DRICH1: variants seen among roughly 807,000 people sequenced by gnomAD.
DRICH1 encodes aspartate-rich protein 1.
In DRICH1, 38 loss-of-function variants were observed where a neutral mutation model predicts 39.5. The ratio of observed to expected loss-of-function variants is 0.96; its 90% CI spans 0.74 to 1.26. The LOEUF (loss-of-function observed/expected upper bound fraction) is 1.26, where lower values mean the gene tolerates loss of function less well. Ranked by LOEUF, DRICH1 falls within the 50% of genes most tolerant of loss-of-function variation. The pLI is 0.00. For synonymous variants in DRICH1, 84 were observed against 99.5 expected (o/e 0.84, Z 0.93); for missense variants, 279 against 270.4 (o/e 1.03, Z -0.22).
intron 1 of DRICH1, among the ~76,000 whole-genome samples, chr22:23,627,132 G>A (rs1262198961): frequency 6.7e-6 from 1 of 150,228 alleles, no homozygotes; most frequent in Non-Finnish European, 1.5e-5. Flanking sequence ...GAGTACAATG[G>A]CATGATCTCG....
At chr22:23,592,396 G>A in the DRICH1 span, among the ~76,000 whole-genome samples, 5 of 152,290 alleles carry the variant, frequency 3.3e-5, no homozygotes, top group South Asian at 2.1e-4. Flanking sequence ...CAAGACTGGG[G>A]GGGGGCGGTC....
At position 23,632,072 on chromosome 22, in the gene DRICH1, G is replaced by T. The variant is rs1920999361; in HGVS notation, c.-49C>A. On this transcript the variant is annotated 5_prime_UTR_variant, in exon 1 of 12. Coordinates refer to ENST00000317749, the MANE Select transcript of DRICH1 (RefSeq NM_016449.4). ...TCCTGCCTCAGCCTTCAGCGAAATT[G>T]TAACTGTGCTGCCCTAGCAGCCACA... is the stretch of plus-strand genomic sequence containing the variant. The T allele has an allele frequency of 6.2e-7, 1 of 1,609,188 alleles. No individual in the cohort carries two copies. Among genetic ancestry groups the T allele is most frequent in the Admixed American group, 1.7e-5 (1 of 59,626 alleles).
At chr22:23,610,970 C>A (rs1448450582) in intron 11 of DRICH1, among the ~76,000 whole-genome samples, 1 of 150,928 alleles carries the variant, frequency 6.6e-6, no homozygotes, top group Non-Finnish European at 1.5e-5. Flanking sequence ...CCATCACATG[C>A]TCTATGGACG....
At chr22:23,582,859 C>T in the DRICH1 span, among the ~76,000 whole-genome samples, 1 of 151,444 alleles carries the variant, frequency 6.6e-6, no homozygotes, top group South Asian at 2.1e-4. Context: ...TCGTGCCCGG[C>T]CAATTATCAT....
chr22:23,581,577 G>C, the DRICH1 span: 1 of 151,538 alleles, frequency 6.6e-6, no homozygotes. Flanking sequence ...TGAAAAAGCA[G>C]TAACATACAC....
At chr22:23,592,744 C>A in the DRICH1 span, among the ~76,000 whole-genome samples, 19 of 152,164 alleles carry the variant, frequency 1.2e-4, no homozygotes, top group African/African-American at 4.3e-4. Context: ...GTAATCCCAG[C>A]ACTTTGGGAG....
At chr22:23,588,293 A>AT in the DRICH1 span, among the ~76,000 whole-genome samples, 1 of 151,902 alleles carries the variant, frequency 6.6e-6, no homozygotes, top group African/African-American at 2.4e-5. Flanking sequence ...CACCCAGCTA[A>AT]TTTTTTTGTA....
intron 8 of DRICH1, among the ~76,000 whole-genome samples, chr22:23,615,971 A>G (rs534149877): frequency 6.6e-6 from 1 of 152,370 alleles, no homozygotes; most frequent in South Asian, 2.1e-4. Flanking sequence ...TAGAATGTTG[A>G]CAGTGTGCTC....
downstream of DRICH1, among the ~76,000 whole-genome samples, chr22:23,606,040 C>G (rs1031522839): frequency 2.0e-5 from 3 of 150,748 alleles, no homozygotes; most frequent in Non-Finnish European, 4.4e-5. Context: ...CGCCACTGCA[C>G]TCCCGCCTCA....
the DRICH1 span, among the ~76,000 whole-genome samples, chr22:23,600,870 C>T: frequency 5.3e-5 from 8 of 151,938 alleles, no homozygotes; most frequent in Non-Finnish European, 7.4e-5. Context: ...GACGGGGTTT[C>T]ACCGTGTTAG....
Position 23,614,178 on chromosome 22 carries a change from A to G in DRICH1, c.578T>C (p.Leu193Pro). 5 of 1,614,006 alleles carry G rather than the reference A, an allele frequency of 3.1e-6. No individual in the cohort carries two copies. The highest frequency in any genetic ancestry group is 4.2e-6 in the Non-Finnish European group (5 of 1,179,832). ...SEDSLFLRCS[L>P]RHKDEEEEDD... ...TTCTTCTTCTTCATCTTTGTGTCTC[A>G]GTGAGCATCTTAAAAACAGGCTATC... The change falls in exon 9 of 12, where the codon CTG (leucine) becomes CCG (proline). Residue 193 changes from leucine to proline, a missense_variant. Coordinates refer to ENST00000317749, the MANE Select transcript of DRICH1 (RefSeq NM_016449.4).
At chr22:23,616,776 G>T in intron 8 of DRICH1, 77 bp downstream of exon 8, 1 of 1,569,652 alleles carries the variant, frequency 6.4e-7, no homozygotes, top group South Asian at 1.1e-5. Context: ...TTTTTAACAG[G>T]AACCCAGATT....
At chr22:23,621,417 C>T (rs1313969796) in intron 4 of DRICH1, among the ~76,000 whole-genome samples, 1 of 150,688 alleles carries the variant, frequency 6.6e-6, no homozygotes. Context: ...AGTAAGACAA[C>T]CATAAAAAAA....
chr22:23,589,119 CACACACA>C, the DRICH1 span, among the ~76,000 whole-genome samples: 3 of 151,260 alleles, frequency 2.0e-5, no homozygotes, highest in African/African-American at 7.3e-5. Flanking sequence ...CACACACACA[CACACACA>C]CCCCTTTGAT....
chr22:23,613,906 T>A (rs1927191661), intron 9 of DRICH1, among the ~76,000 whole-genome samples: 1 of 152,216 alleles, frequency 6.6e-6, no homozygotes, highest in African/African-American at 2.4e-5. Context: ...ACTGTTGTTG[T>A]GGAAAATGCC....
At chr22:23,600,512 C>T in the DRICH1 span, among the ~76,000 whole-genome samples, 1 of 152,180 alleles carries the variant, frequency 6.6e-6, no homozygotes, top group Non-Finnish European at 1.5e-5. Context: ...GATCTTGAGA[C>T]CCTGTCTAGC....
the DRICH1 span, among the ~76,000 whole-genome samples, chr22:23,600,332 C>T: frequency 1.3e-5 from 2 of 152,220 alleles, no homozygotes; most frequent in Admixed American, 1.3e-4. Flanking sequence ...CCAATCCTGC[C>T]CACCCTGGGT....
intron 8 of DRICH1, among the ~76,000 whole-genome samples, chr22:23,615,430 TGGTATAAGAAACCAAAAATTTTTATCA>T (rs1279988340): frequency 2.6e-5 from 4 of 152,210 alleles, no homozygotes; most frequent in Admixed American, 6.5e-5. Context: ...TATAAAATAT[TGGTATAAGAAACCAAAAATTTTTATCA>T]GTCATGTTAA....
chr22:23,624,877 A>T lies in DRICH1; in HGVS notation c.298+6T>A. 2 of 1,613,404 alleles carry T rather than the reference A, an allele frequency of 1.2e-6. No individual in the cohort carries two copies. Among genetic ancestry groups the T allele is most frequent in the South Asian group, 2.2e-5 (2 of 91,068 alleles). On this transcript the variant is annotated splice_donor_region_variant and intron_variant, in intron 3 of 11. Coordinates refer to ENST00000317749, the MANE Select transcript of DRICH1 (RefSeq NM_016449.4). Reference sequence around the variant, plus strand: ...CTCAGAAAGTGAGTTAGTTCAAGGTACGTACCCTGGACAGGTGATGGTAAA... The same window carrying T: ...CTCAGAAAGTGAGTTAGTTCAAGGTTCGTACCCTGGACAGGTGATGGTAAA...
Sources: gnomAD v4.1 joint callset for allele counts (sites outside exome capture counted in the v4.1 genomes callset) on GRCh38, gnomAD v4.1.1 for gene constraint, MANE v1.5 for transcripts, NCBI Gene and HGNC (gene_info 2026-07-23, HGNC 2026-07-21) for gene names.